USH2A: variants seen among roughly 807,000 people sequenced by gnomAD.
USH2A encodes Usher syndrome 2A (autosomal recessive, mild).
In USH2A, 443 loss-of-function variants were observed where a neutral mutation model predicts 538.9. The observed-to-expected ratio is 0.82, with a 90% CI of 0.76 to 0.89. The LOEUF (loss-of-function observed/expected upper bound fraction) is 0.89, where lower values mean the gene tolerates loss of function less well. Among genes scored for constraint, USH2A ranks in the 40% least tolerant of loss-of-function variants. The probability of loss-of-function intolerance (pLI) is 0.00; values close to 1 mark genes in which losing one functional copy is unlikely to be tolerated. For synonymous variants in USH2A, 2,413 were observed against 2,273.5 expected, an observed-to-expected ratio of 1.06 and a Z score of -1.75; for missense variants, 6,633 against 6,324.8, an observed-to-expected ratio of 1.05 and a Z score of -1.65.
At position 215,904,827 on chromosome 1, in the gene USH2A, C is replaced by T. The variant is rs78700240; in HGVS notation, c.7301-3922G>A. ...GTTTTTAATAAAATTTCAAATTTAA[C>T]CTGCTTCAGAAAATCAAATTCATAC... On this transcript the variant is annotated intron_variant, in intron 38 of 71. Transcript: ENST00000307340. 5.1e-3 allele frequency among the ~76,000 whole-genome samples: 782 copies of T among 152,048 alleles called. 9 individuals are homozygous for T. Among genetic ancestry groups the T allele is most frequent in the African/African-American group, 0.018 (742 of 41,490 alleles).
At chr1:216,355,375 G>GAAAGAAAGAAAGA (rs748251919) in intron 4 of USH2A, among the ~76,000 whole-genome samples, 2 of 133,850 alleles carry the variant, frequency 1.5e-5, no homozygotes, top group African/African-American at 5.3e-5. Context: ...AAGAAAGAAA[G>GAAAGAAAGAAAGA]AAGGAAAGAA....
intron 61 of USH2A, among the ~76,000 whole-genome samples, chr1:215,711,877 G>C (rs1434094165): frequency 1.3e-5 from 2 of 152,142 alleles, no homozygotes; most frequent in African/African-American, 4.8e-5. Context: ...ATTCTTGACT[G>C]TCTGTGGGGC....
intron 32 of USH2A, among the ~76,000 whole-genome samples, chr1:216,039,161 G>C (rs2030150300): frequency 1.3e-5 from 2 of 151,950 alleles, no homozygotes; most frequent in African/African-American, 4.8e-5. Context: ...ACCCTTTGTT[G>C]CTCGATGAAT....
chr1:216,331,020 A>T, intron 4 of USH2A, among the ~76,000 whole-genome samples: 1 of 152,088 alleles, frequency 6.6e-6, no homozygotes, highest in East Asian at 1.9e-4. Context: ...TTTAAAAACC[A>T]TTTTAGTTTT....
intron 9 of USH2A, among the ~76,000 whole-genome samples, chr1:216,301,161 G>A (rs991483822): frequency 1.3e-5 from 2 of 152,068 alleles, no homozygotes; most frequent in Admixed American, 1.3e-4. Flanking sequence ...TATTTATTCA[G>A]TCACTTATAC....
At chr1:216,373,305 G>A (rs1350827774) in intron 3 of USH2A, among the ~76,000 whole-genome samples, 3 of 152,276 alleles carry the variant, frequency 2.0e-5, no homozygotes, top group Admixed American at 6.5e-5. Context: ...ACAAAGATGA[G>A]AACGTGAAAA....
intron 37 of USH2A, among the ~76,000 whole-genome samples, chr1:215,949,700 T>A (rs1341681183): frequency 6.6e-6 from 1 of 152,046 alleles, no homozygotes; most frequent in Non-Finnish European, 1.5e-5. Flanking sequence ...GGAGAAAATA[T>A]TTTTTATAAA....
chr1:215,965,543 A>G, intron 36 of USH2A, 64 bp from the exon 37 acceptor site: 2 of 1,576,174 alleles, frequency 1.3e-6, no homozygotes, highest in Non-Finnish European at 1.7e-6. Context: ...CGCTTTGAGC[A>G]TATTTCTTCA....
At chr1:216,373,577 C>T (rs74721788) in intron 3 of USH2A, among the ~76,000 whole-genome samples, 2,093 of 152,186 alleles carry the variant, frequency 0.014, 51 homozygotes, top group African/African-American at 0.048. Flanking sequence ...GACCCATTCC[C>T]CCTGAATACC....
chr1:215,907,335 A>G (rs1476200916), intron 38 of USH2A, among the ~76,000 whole-genome samples: 1 of 151,984 alleles, frequency 6.6e-6, no homozygotes, highest in African/African-American at 2.4e-5. Context: ...CTCTGGTACC[A>G]TTCGTGGGCT....
rs369538212 is a variant in USH2A, at chr1:216,078,365, G to C, written c.5299-3C>G. 1 of 1,612,698 alleles carries C rather than the reference G, an allele frequency of 6.2e-7. No individual in the cohort carries two copies. Among genetic ancestry groups the C allele is most frequent in the East Asian group, 2.2e-5 (1 of 44,874 alleles). On this transcript the variant is annotated splice_region_variant and splice_polypyrimidine_tract_variant and intron_variant, in intron 26 of 71. Coordinates refer to ENST00000307340, the MANE Select transcript of USH2A (RefSeq NM_206933.4). ...AATATTCCACTTTTCAGCTCCATCT[G>C]TATTTTATATTAAAAAAGAAAGTAG...
intron 21 of USH2A, among the ~76,000 whole-genome samples, chr1:216,113,249 T>G (rs1284715236): frequency 6.6e-6 from 1 of 152,052 alleles, no homozygotes; most frequent in Non-Finnish European, 1.5e-5. Context: ...CATAGATTCC[T>G]ACTCTTAAAT....
At chr1:215,802,725 T>A (rs1008730508) in intron 49 of USH2A, among the ~76,000 whole-genome samples, 1 of 152,060 alleles carries the variant, frequency 6.6e-6, no homozygotes, top group Non-Finnish European at 1.5e-5. Flanking sequence ...AAACATAGAA[T>A]TACCATATGA....
At chr1:216,111,790 G>C (rs1035700994) in intron 21 of USH2A, among the ~76,000 whole-genome samples, 2 of 150,754 alleles carry the variant, frequency 1.3e-5, no homozygotes, top group African/African-American at 4.9e-5. Context: ...TATTCTATTA[G>C]CTAGGTATTT....
At chr1:216,146,368 C>T (rs573890930) in intron 21 of USH2A, among the ~76,000 whole-genome samples, 1 of 152,266 alleles carries the variant, frequency 6.6e-6, no homozygotes, top group African/African-American at 2.4e-5. Context: ...CTCAAAACTC[C>T]GGCGCTGGTC....
intron 38 of USH2A, among the ~76,000 whole-genome samples, chr1:215,914,154 A>C: frequency 6.8e-6 from 1 of 147,918 alleles, no homozygotes; most frequent in Non-Finnish European, 1.5e-5. Context: ...GCTCACTGCA[A>C]CCTCCGCCTC....
chr1:216,422,406 A>G lies in USH2A; in HGVS notation c.-70T>C, dbSNP rs1571806163. ...AATAATCAGGCCCACGCCACTTGCC[A>G]GCAATACTTTGAAGCAGGGTACTTT... On this transcript the variant is annotated 5_prime_UTR_variant, in exon 2 of 72. Transcript: ENST00000307340. 1 of 1,605,006 alleles carries G rather than the reference A, an allele frequency of 6.2e-7. No individual in the cohort carries two copies. Among genetic ancestry groups the G allele is most frequent in the Non-Finnish European group, 8.5e-7 (1 of 1,175,586 alleles).
At chr1:215,810,419 A>G (rs533809363) in intron 49 of USH2A, among the ~76,000 whole-genome samples, 45 of 152,322 alleles carry the variant, frequency 3.0e-4, no homozygotes, top group African/African-American at 1.0e-3. Flanking sequence ...GTCACAGGCC[A>G]GTCTCCTGAG....
intron 4 of USH2A, among the ~76,000 whole-genome samples, chr1:216,338,832 A>T (rs1020751033): frequency 3.0e-4 from 46 of 151,608 alleles, no homozygotes; most frequent in African/African-American, 1.1e-3. Context: ...AAAATAAGGG[A>T]GTATTTTATA....
Sources: allele counts gnomAD v4.1 joint callset (sites outside exome capture counted in the v4.1 genomes callset), GRCh38; gene constraint gnomAD v4.1.1; transcripts MANE v1.5; gene names NCBI Gene and HGNC (gene_info 2026-07-23, HGNC 2026-07-21).